Variants in IMMP2L observed in about 807,000 individuals in gnomAD.
IMMP2L encodes mitochondrial inner membrane protease subunit 2.
In IMMP2L, 18 loss-of-function variants were observed where a neutral mutation model predicts 19.3. That is an observed-to-expected ratio of 0.93 (90% CI 0.64 to 1.38). The LOEUF is 1.38. Among genes scored for constraint, IMMP2L ranks in the 40% most tolerant of loss-of-function variants. IMMP2L has a pLI of 0.00. For synonymous variants in IMMP2L, 76 were observed against 73.0 expected (o/e 1.04, Z -0.21); for missense variants, 233 against 218.2 (o/e 1.07, Z -0.43).
intron 5 of IMMP2L, among the ~76,000 whole-genome samples, chr7:110,681,763 A>G (rs1311847315): frequency 6.6e-6 from 1 of 152,076 alleles, no homozygotes; most frequent in Admixed American, 6.6e-5. Context: ...CATAAGCTTG[A>G]CCCATGCAAT....
In IMMP2L at chr7:111,530,911, C is replaced by T. The variant is rs553953781; in HGVS notation, c.-2-9462G>A. ...ATAGCAAGAATGCTGGCCAGATCAG[C>T]GAACAGGACCTATATTAAGACAAGT... On this transcript the variant is annotated intron_variant, in intron 1 of 5. Coordinates refer to ENST00000405709, the MANE Select transcript of IMMP2L (RefSeq NM_032549.4). 5.9e-5 allele frequency among the ~76,000 whole-genome samples: 9 copies of T among 151,324 alleles called. No individual in the cohort carries two copies. The South Asian group carries it at 1.3e-3, about 21-fold the overall frequency.
intron 3 of IMMP2L, among the ~76,000 whole-genome samples, chr7:111,428,259 A>T (rs888995112): frequency 1.3e-5 from 2 of 151,814 alleles, no homozygotes; most frequent in African/African-American, 4.9e-5. Context: ...TTTGTCTAAA[A>T]AATATATTTT....
chr7:110,992,994 C>T (rs1822649592), intron 3 of IMMP2L, among the ~76,000 whole-genome samples: 1 of 152,052 alleles, frequency 6.6e-6, no homozygotes, highest in South Asian at 2.1e-4. Context: ...AGATAATAAC[C>T]TACTTAAACT....
chr7:111,047,847 G>T (rs1196884991), intron 3 of IMMP2L, among the ~76,000 whole-genome samples: 2 of 152,106 alleles, frequency 1.3e-5, no homozygotes, highest in Non-Finnish European at 2.9e-5. Flanking sequence ...CATGTGCATT[G>T]TACTCAGCCC....
intron 4 of IMMP2L, among the ~76,000 whole-genome samples, chr7:110,948,875 TTGGA>T (rs1355860421): frequency 2.6e-5 from 4 of 152,176 alleles, no homozygotes; most frequent in Non-Finnish European, 5.9e-5. Flanking sequence ...AGCTGGGGGC[TTGGA>T]TGTAACACAA....
chr7:110,850,087 A>G (rs1214157057), intron 5 of IMMP2L, among the ~76,000 whole-genome samples: 1 of 152,072 alleles, frequency 6.6e-6, no homozygotes, highest in Non-Finnish European at 1.5e-5. Context: ...AAAGAGAATC[A>G]GTGAGAAAAC....
intron 3 of IMMP2L, among the ~76,000 whole-genome samples, chr7:111,170,216 T>C (rs1235188456): frequency 6.6e-6 from 1 of 151,864 alleles, no homozygotes; most frequent in East Asian, 1.9e-4. Flanking sequence ...CTCTCGTTAG[T>C]CTTGTTAGTA....
At chr7:110,676,832 C>T (rs1792334739) in intron 5 of IMMP2L, among the ~76,000 whole-genome samples, 1 of 152,140 alleles carries the variant, frequency 6.6e-6, no homozygotes. Flanking sequence ...TGACAACATG[C>T]CCCAATTCTT....
intron 5 of IMMP2L, among the ~76,000 whole-genome samples, chr7:110,779,086 G>A (rs1799577419): frequency 6.6e-6 from 1 of 151,792 alleles, no homozygotes; most frequent in Non-Finnish European, 1.5e-5. Context: ...TTTAATCATG[G>A]CTACATTTTA....
At chr7:110,892,756 A>C (rs576906863) in intron 4 of IMMP2L, among the ~76,000 whole-genome samples, 1 of 152,298 alleles carries the variant, frequency 6.6e-6, no homozygotes, top group Non-Finnish European at 1.5e-5. Context: ...TTGACAATAG[A>C]GTTCCCTTAT....
At chr7:111,033,322 A>C (rs1344389044) in intron 3 of IMMP2L, among the ~76,000 whole-genome samples, 1 of 152,182 alleles carries the variant, frequency 6.6e-6, no homozygotes, top group Non-Finnish European at 1.5e-5. Context: ...TGACTACAGC[A>C]AATGCTGACA....
intron 4 of IMMP2L, among the ~76,000 whole-genome samples, chr7:110,947,765 C>A (rs558913955): frequency 5.3e-5 from 8 of 152,226 alleles, no homozygotes; most frequent in Non-Finnish European, 8.8e-5. Context: ...TTGGAAGTAT[C>A]AGTACACCTA....
intron 3 of IMMP2L, among the ~76,000 whole-genome samples, chr7:111,056,715 T>C (rs996977659): frequency 1.3e-5 from 2 of 152,200 alleles, no homozygotes; most frequent in East Asian, 3.8e-4. Flanking sequence ...ACTGTATTCT[T>C]AGAATAATGT....
chr7:111,253,393 T>A (rs1816356765), intron 3 of IMMP2L, among the ~76,000 whole-genome samples: 1 of 151,566 alleles, frequency 6.6e-6, no homozygotes, highest in Admixed American at 6.6e-5. Flanking sequence ...CTCAGAAGAG[T>A]GAGCATTAGG....
At chr7:110,850,030 G>A (rs973864198) in intron 5 of IMMP2L, among the ~76,000 whole-genome samples, 1 of 151,882 alleles carries the variant, frequency 6.6e-6, no homozygotes, top group Admixed American at 6.6e-5. Context: ...AAAGTATGTA[G>A]AAGATAATGA....
At chr7:111,043,312 A>G (rs897966558) in intron 3 of IMMP2L, among the ~76,000 whole-genome samples, 7 of 152,210 alleles carry the variant, frequency 4.6e-5, no homozygotes, top group East Asian at 1.9e-4. Flanking sequence ...CAGTATAATG[A>G]TAAGGTATTA....
At chr7:111,170,891 T>C (rs113875250) in intron 3 of IMMP2L, among the ~76,000 whole-genome samples, 1 of 151,582 alleles carries the variant, frequency 6.6e-6, no homozygotes, top group Non-Finnish European at 1.5e-5. Context: ...TTTTCAACCT[T>C]ATTCTCCTTG....
chr7:111,484,278 T>C (rs1054291251), intron 3 of IMMP2L, among the ~76,000 whole-genome samples: 1 of 152,212 alleles, frequency 6.6e-6, no homozygotes, highest in Non-Finnish European at 1.5e-5. Flanking sequence ...GCTCTGGTTA[T>C]AAAGTTGAAT....
chr7:111,150,511 G>C (rs1803955463), intron 3 of IMMP2L, among the ~76,000 whole-genome samples: 1 of 152,178 alleles, frequency 6.6e-6, no homozygotes, highest in African/African-American at 2.4e-5. Context: ...GACAGAGTCT[G>C]ACAGACATTT....
Sources: gnomAD v4.1 joint callset for allele counts (sites outside exome capture counted in the v4.1 genomes callset) on GRCh38, gnomAD v4.1.1 for gene constraint, MANE v1.5 for transcripts, NCBI Gene and HGNC (gene_info 2026-07-23, HGNC 2026-07-21) for gene names.